Variants in PARP9 observed in about 807,000 individuals in gnomAD.
The protein encoded by PARP9 is poly(ADP-ribose) polymerase family member 9.
Under a neutral mutation model 68.8 loss-of-function variants are expected in PARP9, and 48 were observed. The observed-to-expected ratio is 0.70, with a 90% CI of 0.55 to 0.89. PARP9 has a LOEUF of 0.89. Among genes scored for constraint, PARP9 ranks in the 40% least tolerant of loss-of-function variants. PARP9 has a pLI of 0.00. For synonymous variants in PARP9, 309 were observed against 333.8 expected, an observed-to-expected ratio of 0.93 and a Z score of 0.81; for missense variants, 806 against 969.3, an observed-to-expected ratio of 0.83 and a Z score of 2.24.
chr3:122,533,847 G>A (rs1446110648), intron 10 of PARP9: 2 of 985,322 alleles, frequency 2.0e-6, no homozygotes, highest in East Asian at 1.1e-4. Flanking sequence ...CTTTGCCTGT[G>A]GGTGGCCATC....
At chr3:122,556,612 T>A (rs555691401) in intron 3 of PARP9, among the ~76,000 whole-genome samples, 1 of 152,208 alleles carries the variant, frequency 6.6e-6, no homozygotes, top group African/African-American at 2.4e-5. Flanking sequence ...GACAAAGATG[T>A]GAATGTAAGT....
chr3:122,545,761 G>A (rs192911687), intron 6 of PARP9: 28 of 416,858 alleles, frequency 6.7e-5, no homozygotes, highest in Admixed American at 8.4e-5. Context: ...AAATATAACC[G>A]TGCATTCATT....
At position 122,559,695 on chromosome 3, in the gene PARP9, T is replaced by TA; in HGVS notation, c.-76dup. On this transcript the variant is annotated 5_prime_UTR_variant, in exon 2 of 11. Coordinates refer to ENST00000682323, the MANE Select transcript of PARP9 (RefSeq NM_001146105.2). The stretch of plus-strand genomic sequence containing the variant: ...CAAAGCATAGACTGTAGTTTCCAGA[T>TA]ATGGTGGCCCACTTCTAGGAATGAA... 7.0e-7 allele frequency: 1 copy of TA among 1,420,866 alleles called. No individual in the cohort carries two copies. The allele number at this position is 1,420,866 out of a possible 1,614,324, so 88.0% of individuals were successfully genotyped here.
Position 122,559,614 on chromosome 3 carries a change from A to C in PARP9, c.7T>G (p.Phe3Val), listed in dbSNP as rs1223603624. The C allele has an allele frequency of 1.3e-6, 2 of 1,590,944 alleles. No homozygotes were observed. The highest frequency in any genetic ancestry group is 3.5e-5 in the Admixed American group (2 of 57,098). The change falls in exon 2 of 11, where the codon TTT becomes GTT. Residue 3 changes from phenylalanine (F) to valine (V), a missense_variant. By Grantham distance (50) the Phe-to-Val change is conservative (BLOSUM62 -1). Transcript: ENST00000682323. Reference sequence around the variant, plus strand: ...ACATTTATGCTTTTTACCATGGAAAAGTCCATCCTCCAGGTCCCCGGGGGA... The same window carrying C: ...ACATTTATGCTTTTTACCATGGAAACGTCCATCCTCCAGGTCCCCGGGGGA... MD[F>V]SMVAGAAAYN...
chr3:122,560,581 C>G (rs1477069637), intron 1 of PARP9, among the ~76,000 whole-genome samples: 1 of 152,046 alleles, frequency 6.6e-6, no homozygotes, highest in Non-Finnish European at 1.5e-5. Flanking sequence ...AGAGATGAGG[C>G]TTCACCGTGT....
chr3:122,553,820 G>T (rs918567994), intron 4 of PARP9, among the ~76,000 whole-genome samples: 3 of 151,906 alleles, frequency 2.0e-5, no homozygotes, highest in Non-Finnish European at 4.4e-5. Context: ...TCTCCCTCCT[G>T]CCCCCTCCAC....
chr3:122,554,432 A>G (rs897681924), intron 4 of PARP9, among the ~76,000 whole-genome samples: 2 of 152,220 alleles, frequency 1.3e-5, no homozygotes, highest in African/African-American at 2.4e-5. Context: ...ATATTTTTAT[A>G]ATAAAGAATA....
chr3:122,558,059 T>A (rs980456442), intron 3 of PARP9, among the ~76,000 whole-genome samples: 1 of 152,234 alleles, frequency 6.6e-6, no homozygotes, highest in Non-Finnish European at 1.5e-5. Context: ...TCAGGCCCTA[T>A]TGGCCTGAGC....
At position 122,556,141 on chromosome 3, in the gene PARP9, TAAAAAAAAAAAAAAAAA is replaced by T. The variant is rs745677021; in HGVS notation, c.50-37_50-21del. The T allele has an allele frequency of 1.1e-3, 224 of 210,218 alleles. 7 individuals carry two copies. The highest frequency in any genetic ancestry group is 1.3e-3 in the Admixed American group (10 of 8,000). 13.0% of individuals were successfully genotyped at this position (210,218 alleles called of 1,614,324 possible). A position where few individuals can be genotyped will look rare whatever the true frequency, so the allele number is the denominator to read the frequency against. On this transcript the variant is annotated intron_variant, in intron 3 of 10. Transcript: ENST00000682323. ...CAGTCTCTGGAAAAGAAGAGAAGAT[TAAAAAAAAAAAAAAAAA>T]AAAAAAAAAAAAAAAGCACAGTTTG...
At chr3:122,542,356 T>C (rs950817135) in intron 7 of PARP9, among the ~76,000 whole-genome samples, 1 of 149,700 alleles carries the variant, frequency 6.7e-6, no homozygotes, top group Non-Finnish European at 1.5e-5. Context: ...CCCAAAGCAC[T>C]GGGACTACAG....
At chr3:122,539,710 G>A (rs917019133) in intron 8 of PARP9, among the ~76,000 whole-genome samples, 1 of 151,870 alleles carries the variant, frequency 6.6e-6, no homozygotes, top group Admixed American at 6.6e-5. Context: ...ACAAGCATGG[G>A]CCACCATGCC....
chr3:122,556,141 T>TAAAAAAAAGAAAAAAAA lies in PARP9; in HGVS notation c.50-21_50-20insTTTTTTTTCTTTTTTTT, dbSNP rs2079624689. ...CAGTCTCTGGAAAAGAAGAGAAGAT[T>TAAAAAAAAGAAAAAAAA]AAAAAAAAAAAAAAAAAAAAAAAAA... On this transcript the variant is annotated intron_variant, in intron 3 of 10. Coordinates refer to ENST00000682323, the MANE Select transcript of PARP9 (RefSeq NM_001146105.2). The TAAAAAAAAGAAAAAAAA allele has an allele frequency of 5.2e-6, 1 of 193,584 alleles. No homozygotes were observed. Among genetic ancestry groups the TAAAAAAAAGAAAAAAAA allele is most frequent in the Non-Finnish European group, 8.4e-6 (1 of 119,342 alleles). 12.0% of individuals were successfully genotyped at this position (193,584 alleles called of 1,614,324 possible).
intron 5 of PARP9, 85 bp downstream of exon 5, chr3:122,552,333 G>C (rs2079272893): frequency 2.8e-5 from 29 of 1,018,204 alleles, no homozygotes; most frequent in Non-Finnish European, 4.0e-5. Context: ...TTTCATGAAT[G>C]TAATGAAATG....
At chr3:122,534,441 G>A in intron 10 of PARP9, 3 of 985,408 alleles carry the variant, frequency 3.0e-6, no homozygotes, top group Non-Finnish European at 3.6e-6. Context: ...TCGGCAGCAT[G>A]TAGATAAGTG....
chr3:122,561,844 A>G (rs934402520), intron 1 of PARP9, among the ~76,000 whole-genome samples: 1 of 151,690 alleles, frequency 6.6e-6, no homozygotes, highest in African/African-American at 2.4e-5. Context: ...CCATTTTTCA[A>G]CTCCACCTGG....
At chr3:122,529,647 CG>C (rs988219281) in intron 10 of PARP9, among the ~76,000 whole-genome samples, 4 of 149,838 alleles carry the variant, frequency 2.7e-5, no homozygotes, top group African/African-American at 9.8e-5. Flanking sequence ...CCAGCTACTC[CG>C]GGGGCTGAGG....
chr3:122,549,751 A>C (rs2079045066), intron 6 of PARP9, among the ~76,000 whole-genome samples: 1 of 152,166 alleles, frequency 6.6e-6, no homozygotes, highest in South Asian at 2.1e-4. Context: ...ACTGCACTCC[A>C]GCCTGAGCAA....
At position 122,528,652 on chromosome 3, in the gene PARP9, G is replaced by T. The variant is rs763605659; in HGVS notation, c.2172C>A (p.Ile724=). The part of the protein sequence containing the change: ...AKKISAADKL[I]YVFEAEVLTG... ...TGAGTACTTCAGCCTCAAACACATA[G>T]ATCAGCTTATCTGCAGCAGAGATTT... is the stretch of plus-strand genomic sequence containing the variant. The change falls in exon 11 of 11, where the codon ATC becomes ATA. Residue 724 remains isoleucine, a synonymous_variant. Transcript: ENST00000682323. 3 of 1,614,038 alleles carry T rather than the reference G, an allele frequency of 1.9e-6. No individual in the cohort carries two copies. The highest frequency in any genetic ancestry group is 2.5e-6 in the Non-Finnish European group (3 of 1,180,036).
At chr3:122,537,099 T>G (rs939811109) in intron 8 of PARP9, 26 bp from the exon 9 acceptor site, 5 of 1,587,318 alleles carry the variant, frequency 3.1e-6, no homozygotes, top group Non-Finnish European at 4.3e-6. Flanking sequence ...ACAAAAACTT[T>G]ACTTCAATGC....
Sources: gnomAD v4.1 joint callset for allele counts (sites outside exome capture counted in the v4.1 genomes callset) on GRCh38, gnomAD v4.1.1 for gene constraint, MANE v1.5 for transcripts, NCBI Gene and HGNC (gene_info 2026-07-23, HGNC 2026-07-21) for gene names.